The following WWOX variants were observed in gnomAD, a reference collection of about 807,000 sequenced individuals.
The protein encoded by WWOX is WW domain-containing oxidoreductase.
A neutral mutation model predicts 46.2 loss-of-function variants in WWOX; 69 were observed. The observed-to-expected ratio is 1.49, with a 90% confidence interval of 1.23 to 1.82. The LOEUF (loss-of-function observed/expected upper bound fraction) is 1.82. WWOX is among the 40% of genes most tolerant of loss of function. The pLI is 0.00. For synonymous variants in WWOX, 359 were observed against 202.6 expected (o/e 1.77, Z -6.56); for missense variants, 919 against 542.6 (o/e 1.69, Z -6.89).
At chr16:78,563,795 A>G (rs755556519) in intron 8 of WWOX, among the ~76,000 whole-genome samples, 17 of 152,128 alleles carry the variant, frequency 1.1e-4, no homozygotes, top group Non-Finnish European at 1.8e-4. Context: ...ATGGCCACCA[A>G]TTCTTCCCTG....
intron 5 of WWOX, among the ~76,000 whole-genome samples, chr16:78,320,510 A>T (rs1332076285): frequency 6.6e-6 from 1 of 152,186 alleles, no homozygotes; most frequent in Non-Finnish European, 1.5e-5. Flanking sequence ...AAATCCCCGT[A>T]AGAGCATTAT....
In WWOX at chr16:78,249,348, C is replaced by T. The variant is rs543122374; in HGVS notation, c.516+85059C>T. 3.0e-4 allele frequency among the ~76,000 whole-genome samples: 46 copies of T among 152,310 alleles called. 1 individual carries two copies. The highest frequency in any genetic ancestry group is 2.8e-3 in the Admixed American group (43 of 15,292). On this transcript the variant is annotated intron_variant, in intron 5 of 8. Coordinates refer to ENST00000566780, the MANE Select transcript of WWOX (RefSeq NM_016373.4). ...ATTCCTTTTCCTCCAGGGACTCCTG[C>T]ACTTTGCCAGGCGTGGGCCAGAATG... is the stretch of plus-strand genomic sequence containing the variant.
Position 78,396,558 on chromosome 16 carries a change from G to A in WWOX, c.605+9610G>A, listed in dbSNP as rs187415102. Among the ~76,000 whole-genome samples, 7 of 152,286 alleles carry A rather than the reference G, an allele frequency of 4.6e-5. No homozygotes were observed. In the East Asian group the frequency reaches 1.4e-3, roughly 29 times the overall value. ...GGGTAGATACAATTACCCCAGGGTT[G>A]TCTTTTCCCACTCCTCACAATCCCA... On this transcript the variant is annotated intron_variant, in intron 6 of 8. Coordinates refer to ENST00000566780, the MANE Select transcript of WWOX (RefSeq NM_016373.4).
intron 8 of WWOX, among the ~76,000 whole-genome samples, chr16:79,037,863 G>T (rs904783187): frequency 5.9e-5 from 9 of 151,990 alleles, no homozygotes; most frequent in African/African-American, 2.2e-4. Context: ...CTGCTCTCTG[G>T]GTGGCCGACT....
chr16:78,753,918 A>G (rs2049565988), intron 8 of WWOX, among the ~76,000 whole-genome samples: 1 of 146,192 alleles, frequency 6.8e-6, no homozygotes, highest in Admixed American at 6.9e-5. Context: ...TTCCAAGGTC[A>G]CATGACTTTT....
intron 8 of WWOX, among the ~76,000 whole-genome samples, chr16:79,058,100 C>T (rs1322488236): frequency 1.6e-5 from 2 of 128,312 alleles, no homozygotes; most frequent in Non-Finnish European, 3.2e-5. Flanking sequence ...GGAGATATAT[C>T]TTACTTAAAA....
intron 8 of WWOX, among the ~76,000 whole-genome samples, chr16:78,943,909 C>T (rs2045900210): frequency 6.6e-6 from 1 of 152,164 alleles, no homozygotes; most frequent in Non-Finnish European, 1.5e-5. Context: ...CACAGGAACC[C>T]ATCATTCCTG....
intron 8 of WWOX, among the ~76,000 whole-genome samples, chr16:78,840,014 T>G (rs1188630612): frequency 1.3e-5 from 2 of 152,202 alleles, no homozygotes; most frequent in Non-Finnish European, 2.9e-5. Context: ...CCACAGTTTC[T>G]TCGTCTTTGA....
At chr16:78,382,293 C>G (rs920966647) in intron 5 of WWOX, among the ~76,000 whole-genome samples, 3 of 152,218 alleles carry the variant, frequency 2.0e-5, no homozygotes, top group African/African-American at 7.2e-5. Context: ...CAACACCAGT[C>G]ACTATTAAGT....
intron 8 of WWOX, among the ~76,000 whole-genome samples, chr16:78,939,548 A>T (rs1340643595): frequency 6.6e-6 from 1 of 152,216 alleles, no homozygotes. Flanking sequence ...TTTTGGCAAA[A>T]GTGGCAAATA....
rs2083657226 is a variant in WWOX, at chr16:78,450,091, T to C, written c.1056+17339T>C. 2.0e-5 allele frequency among the ~76,000 whole-genome samples: 3 copies of C among 152,170 alleles called. No individual in the cohort carries two copies. In the South Asian group the frequency reaches 6.2e-4, roughly 31 times the overall value. On this transcript the variant is annotated intron_variant, in intron 8 of 8. Transcript: ENST00000566780. ...AAATAGGTTTGAGATTGATTTTGAA[T>C]ACTAAAGTATAGTTTTCATGTTATA... is the stretch of plus-strand genomic sequence containing the variant.
intron 8 of WWOX, among the ~76,000 whole-genome samples, chr16:78,704,971 G>C (rs1378986466): frequency 6.7e-6 from 1 of 149,762 alleles, no homozygotes; most frequent in Non-Finnish European, 1.5e-5. Flanking sequence ...CGACAGTCTT[G>C]GTTTTCTTAA....
At chr16:78,531,792 A>G (rs1375849356) in intron 8 of WWOX, among the ~76,000 whole-genome samples, 1 of 152,156 alleles carries the variant, frequency 6.6e-6, no homozygotes, top group Non-Finnish European at 1.5e-5. Flanking sequence ...CCAGAGGCAG[A>G]GGTTGTAGTG....
intron 8 of WWOX, among the ~76,000 whole-genome samples, chr16:78,640,756 C>T (rs980846778): frequency 6.6e-6 from 1 of 151,730 alleles, no homozygotes; most frequent in Non-Finnish European, 1.5e-5. Flanking sequence ...CTGGGCAACA[C>T]GGTGAAACCC....
chr16:78,827,564 A>G (rs2051692455), intron 8 of WWOX, among the ~76,000 whole-genome samples: 1 of 152,008 alleles, frequency 6.6e-6, no homozygotes, highest in Non-Finnish European at 1.5e-5. Flanking sequence ...TGGGTGTGGT[A>G]GCTCATGCCT....
At chr16:78,726,182 C>G (rs1444992330) in intron 8 of WWOX, among the ~76,000 whole-genome samples, 2 of 145,934 alleles carry the variant, frequency 1.4e-5, no homozygotes, top group Admixed American at 1.4e-4. Context: ...TTTTCTCTCT[C>G]TCTCTCTTTC....
intron 8 of WWOX, among the ~76,000 whole-genome samples, chr16:78,699,373 A>C (rs1567499831): frequency 1.4e-5 from 2 of 140,476 alleles, no homozygotes; most frequent in African/African-American, 6.5e-5. Flanking sequence ...TACAAAAAAT[A>C]CAAAAAAAAA....
intron 4 of WWOX, among the ~76,000 whole-genome samples, chr16:78,160,351 T>A (rs553583478): frequency 6.6e-6 from 1 of 152,204 alleles, no homozygotes; most frequent in Non-Finnish European, 1.5e-5. Flanking sequence ...TCTCGAACTC[T>A]TGGGCTCAAG....
At chr16:78,207,829 G>T (rs1472440878) in intron 5 of WWOX, among the ~76,000 whole-genome samples, 6 of 148,320 alleles carry the variant, frequency 4.0e-5, no homozygotes, top group African/African-American at 1.5e-4. Flanking sequence ...TTATTTTCCT[G>T]TTTCTGAGTT....
Sources: gnomAD v4.1 joint callset for allele counts (sites outside exome capture counted in the v4.1 genomes callset) on GRCh38, gnomAD v4.1.1 for gene constraint, MANE v1.5 for transcripts, NCBI Gene and HGNC (gene_info 2026-07-23, HGNC 2026-07-21) for gene names.